GFM1: variants seen among roughly 807,000 people sequenced by gnomAD.
GFM1 encodes the protein elongation factor G, mitochondrial.
In GFM1, 62 loss-of-function variants were observed where a neutral mutation model predicts 96.2. The observed-to-expected ratio is 0.64, with a 90% CI of 0.53 to 0.80. GFM1 has a LOEUF of 0.80. Among genes scored for constraint, GFM1 ranks in the 30% least tolerant of loss-of-function variants. The pLI, the probability that GFM1 is intolerant of heterozygous loss-of-function variation, is 0.00. For missense variants in GFM1, 852 were observed against 916.6 expected (o/e 0.93, Z 0.91); for synonymous variants, 282 against 312.9 (o/e 0.90, Z 1.04).
chr3:158,666,986 T>A, intron 13 of GFM1: 2 of 1,585,034 alleles, frequency 1.3e-6, no homozygotes, highest in Non-Finnish European at 1.7e-6. Flanking sequence ...CAGAATGGCA[T>A]CAAATAAAGG....
At position 158,691,622 on chromosome 3, in the gene GFM1, A is replaced by G. The variant is rs1726330617; in HGVS notation, c.*155A>G. ...TTCAAAAGAAGCCCTTCTTGTTCAT[A>G]TTCAGGAGCTTCTGTTATATTCAAA... On this transcript the variant is annotated 3_prime_UTR_variant, in exon 18 of 18. Coordinates refer to ENST00000486715, the MANE Select transcript of GFM1 (RefSeq NM_024996.7). The G allele has an allele frequency of 2.8e-6, 2 of 704,442 alleles. No homozygotes were observed. Among genetic ancestry groups the G allele is most frequent in the Non-Finnish European group, 4.9e-6 (2 of 410,908 alleles). The allele number at this position is 704,442 out of a possible 1,614,324, so 43.6% of individuals were successfully genotyped here.
At position 158,649,091 on chromosome 3, in the gene GFM1, A is replaced by G; in HGVS notation, c.623A>G (p.Glu208Gly). Residue 208 changes from glutamate to glycine, a missense_variant, in exon 5 of 18, where the codon GAG (glutamate) becomes GGG (glycine). Transcript: ENST00000486715. The part of the protein sequence containing the change: ...AAFMQIPMGL[E>G]GNFKGIVDLI... Reference sequence around the variant, plus strand: ...TTTATGCAGATACCCATGGGTTTGGAGGGTAATTTTAAAGGTATTGTAGAT... The same window carrying G: ...TTTATGCAGATACCCATGGGTTTGGGGGGTAATTTTAAAGGTATTGTAGAT... 1.9e-6 allele frequency: 3 copies of G among 1,580,516 alleles called. No homozygotes were observed. Among genetic ancestry groups the G allele is most frequent in the East Asian group, 4.5e-5 (2 of 44,722 alleles).
Position 158,654,604 on chromosome 3 carries a change from A to G in GFM1, c.1056A>G (p.Pro352=), listed in dbSNP as rs766172439. 1.5e-5 allele frequency: 24 copies of G among 1,612,832 alleles called. No homozygotes were observed. The highest frequency in any genetic ancestry group is 2.0e-5 in the Non-Finnish European group (23 of 1,178,918). Residue 352 remains proline (P), a synonymous_variant, in exon 8 of 18, where the codon CCA becomes CCG. Transcript: ENST00000486715. The stretch of plus-strand genomic sequence containing the variant: ...ACTCCAGTAGAGACAATTCCCACCC[A>G]TTTGTAGGCCTGGCTTTTAAACTGG... The part of the protein sequence containing the change: ...LMNSSRDNSH[P]FVGLAFKLEV...
At chr3:158,648,295 A>G (rs1355624272) in intron 4 of GFM1, among the ~76,000 whole-genome samples, 1 of 152,118 alleles carries the variant, frequency 6.6e-6, no homozygotes, top group Non-Finnish European at 1.5e-5. Context: ...ATAGTTATAG[A>G]TGGGAGTCTA....
Position 158,646,309 on chromosome 3 carries a change from T to C in GFM1, c.367+12T>C. The C allele has an allele frequency of 6.2e-7, 1 of 1,613,996 alleles. No homozygotes were observed. The highest frequency in any genetic ancestry group is 1.1e-5 in the South Asian group (1 of 91,054). ...TATAGATACTCCTGGTGAGTTGGATTCTTGGTTTTATTGCAGCTTCTTTGG... is the reference window on the plus strand; with the variant it reads ...TATAGATACTCCTGGTGAGTTGGATCCTTGGTTTTATTGCAGCTTCTTTGG... On this transcript the variant is annotated intron_variant, in intron 3 of 17. Transcript: ENST00000486715.
At chr3:158,687,566 C>T (rs557365736) in intron 15 of GFM1, among the ~76,000 whole-genome samples, 13 of 152,120 alleles carry the variant, frequency 8.5e-5, no homozygotes, top group Non-Finnish European at 1.8e-4. Flanking sequence ...CTCCTGGGTT[C>T]AAGCAATTCT....
At chr3:158,648,694 A>G (rs1287677117) in intron 4 of GFM1, among the ~76,000 whole-genome samples, 2 of 151,682 alleles carry the variant, frequency 1.3e-5, no homozygotes, top group Non-Finnish European at 2.9e-5. Flanking sequence ...AAAAAAAAAA[A>G]AAAAAAAGAG....
chr3:158,656,913 A>G (rs1199324956), intron 8 of GFM1: 1 of 152,188 alleles, frequency 6.6e-6, no homozygotes, highest in Non-Finnish European at 1.5e-5. Flanking sequence ...TGGCACTACA[A>G]GACGCCTCAG....
chr3:158,671,941 A>G (rs1390057474), intron 13 of GFM1, among the ~76,000 whole-genome samples: 1 of 152,204 alleles, frequency 6.6e-6, no homozygotes, highest in Non-Finnish European at 1.5e-5. Flanking sequence ...TTGTCTTAAA[A>G]TGTAGGCAAT....
At chr3:158,647,016 G>T (rs1246324638) in intron 4 of GFM1, 69 bp downstream of exon 4, 2 of 1,207,636 alleles carry the variant, frequency 1.7e-6, no homozygotes, top group Admixed American at 3.4e-5. Flanking sequence ...CCAAAAGGGT[G>T]ATTAATTCAC....
intron 13 of GFM1, among the ~76,000 whole-genome samples, chr3:158,681,520 C>T (rs1725380677): frequency 1.3e-5 from 2 of 152,070 alleles, no homozygotes; most frequent in Admixed American, 1.3e-4. Context: ...CTTGGAAATC[C>T]CTTTTCTTGT....
At chr3:158,659,626 T>C (rs1456253476) in intron 9 of GFM1, among the ~76,000 whole-genome samples, 1 of 152,202 alleles carries the variant, frequency 6.6e-6, no homozygotes, top group East Asian at 1.9e-4. Context: ...CCTTGAATTC[T>C]TGAGCTGGCT....
intron 12 of GFM1, 144 bp downstream of exon 12, chr3:158,665,618 T>G: frequency 2.8e-6 from 2 of 713,592 alleles, no homozygotes; most frequent in East Asian, 2.7e-5. Flanking sequence ...GGTCTACTGC[T>G]TCCTCTACTA....
chr3:158,675,376 A>G (rs1248015766), intron 13 of GFM1, among the ~76,000 whole-genome samples: 1 of 151,286 alleles, frequency 6.6e-6, no homozygotes, highest in African/African-American at 2.4e-5. Context: ...TAAAGTTTAT[A>G]AATTATATTT....
chr3:158,684,488 CCACT>C (rs2108102282), intron 14 of GFM1, 32 bp from the exon 15 acceptor site: 1 of 1,611,970 alleles, frequency 6.2e-7, no homozygotes, highest in East Asian at 2.2e-5. Flanking sequence ...CAAGTAAAAT[CCACT>C]CACTCCAGAA....
chr3:158,659,767 A>C (rs578126242), intron 9 of GFM1, among the ~76,000 whole-genome samples: 6 of 152,344 alleles, frequency 3.9e-5, no homozygotes, highest in African/African-American at 1.4e-4. Context: ...TATCAGTTGA[A>C]GCAAAATCTT....
At chr3:158,659,141 G>C in intron 9 of GFM1, 82 bp downstream of exon 9, 1 of 1,461,334 alleles carries the variant, frequency 6.8e-7, no homozygotes, top group Non-Finnish European at 9.6e-7. Context: ...AGCCCCACTA[G>C]AAAATTAATT....
intron 5 of GFM1, chr3:158,650,055 C>T: frequency 1.3e-6 from 2 of 1,535,722 alleles, no homozygotes; most frequent in Non-Finnish European, 1.7e-6. Context: ...GATCGCAGGT[C>T]TGGCAGGTGG....
chr3:158,656,105 A>C (rs575959461), intron 8 of GFM1: 34 of 313,612 alleles, frequency 1.1e-4, no homozygotes, highest in Admixed American at 8.4e-5. Context: ...ATCATATCCA[A>C]GGTACAGACT....
Sources: allele counts gnomAD v4.1 joint callset (sites outside exome capture counted in the v4.1 genomes callset), GRCh38; gene constraint gnomAD v4.1.1; transcripts MANE v1.5; gene names NCBI Gene and HGNC (gene_info 2026-07-23, HGNC 2026-07-21).